The following RABGAP1L variants were observed in gnomAD, a reference collection of about 807,000 sequenced individuals.
RABGAP1L encodes RAB GTPase activating protein 1 like.
RABGAP1L carries 63 observed loss-of-function variants against 137.7 expected under a neutral mutation model. The observed-to-expected ratio is 0.46, with a 90% CI of 0.37 to 0.56. The LOEUF is 0.56. Ranked by LOEUF, RABGAP1L falls within the 20% of genes least tolerant of loss-of-function variation. RABGAP1L has a pLI of 0.00. For synonymous variants in RABGAP1L, 431 were observed against 433.7 expected (o/e 0.99, Z 0.08); for missense variants, 1,095 against 1,244.0 (o/e 0.88, Z 1.80).
At chr1:174,342,240 C>T (rs1682036737) in intron 11 of RABGAP1L, among the ~76,000 whole-genome samples, 2 of 151,990 alleles carry the variant, frequency 1.3e-5, no homozygotes, top group Non-Finnish European at 2.9e-5. Flanking sequence ...GGGGATTGGT[C>T]AGAAACAGGA....
intron 13 of RABGAP1L, among the ~76,000 whole-genome samples, chr1:174,528,748 A>G (rs568044668): frequency 6.6e-6 from 1 of 152,010 alleles, no homozygotes; most frequent in East Asian, 1.9e-4. Flanking sequence ...CTGGATTTCT[A>G]AATATCTTGC....
chr1:174,275,841 G>A lies in RABGAP1L; in HGVS notation c.1062G>A (p.Met354Ile). The change falls in exon 9 of 26, where the codon ATG (methionine) becomes ATA (isoleucine). Residue 354 changes from methionine to isoleucine, a missense_variant. This residue lies in a region of RABGAP1L where 112 missense variants were observed against 157.3 expected (regional missense o/e 0.71). Coordinates refer to ENST00000681986, the MANE Select transcript of RABGAP1L (RefSeq NM_001366446.1). Reference sequence around the variant, plus strand: ...TGTTTGAATTTTTATAGGAATCCATGGGAAAGAGCTATGATGGGAGAGCTT... The same window carrying A: ...TGTTTGAATTTTTATAGGAATCCATAGGAAAGAGCTATGATGGGAGAGCTT... The part of the protein sequence containing the change: ...SDMHLLDMES[M>I]GKSYDGRAYV... 1 of 1,608,386 alleles carries A rather than the reference G, an allele frequency of 6.2e-7. No individual in the cohort carries two copies.
intron 13 of RABGAP1L, among the ~76,000 whole-genome samples, chr1:174,581,270 A>C (rs1191235401): frequency 1.3e-5 from 2 of 152,208 alleles, no homozygotes; most frequent in Non-Finnish European, 2.9e-5. Flanking sequence ...GAAACAACCA[A>C]AATGTTCATA....
Position 174,567,464 on chromosome 1 carries a change from G to C in RABGAP1L, c.1711-69911G>C, listed in dbSNP as rs559842345. Among the ~76,000 whole-genome samples the C allele has an allele frequency of 1.6e-3, 247 of 152,160 alleles. 1 individual carries two copies. The highest frequency in any genetic ancestry group is 3.8e-3 in the Admixed American group (58 of 15,278). ...TTATAAAATGGTTTCATAATAAAAG[G>C]CTGTGATTTAATATCTAAATAAAGG... On this transcript the variant is annotated intron_variant, in intron 13 of 25. Transcript: ENST00000681986.
At chr1:174,337,314 G>A (rs1681572820) in intron 11 of RABGAP1L, among the ~76,000 whole-genome samples, 1 of 152,026 alleles carries the variant, frequency 6.6e-6, no homozygotes, top group African/African-American at 2.4e-5. Flanking sequence ...GCATATTCAA[G>A]GTCAGCAGAA....
intron 13 of RABGAP1L, among the ~76,000 whole-genome samples, chr1:174,434,360 T>C (rs1489347141): frequency 6.6e-6 from 1 of 152,214 alleles, no homozygotes; most frequent in Non-Finnish European, 1.5e-5. Flanking sequence ...GGTTTGTTTA[T>C]TCATTCCCCT....
intron 24 of RABGAP1L, among the ~76,000 whole-genome samples, chr1:174,984,129 A>G (rs1334371663): frequency 1.3e-5 from 2 of 150,034 alleles, no homozygotes; most frequent in African/African-American, 4.9e-5. Flanking sequence ...TACGTGTGCC[A>G]TGGTGGTTTG....
At chr1:174,947,715 C>T (rs1667108007) in intron 19 of RABGAP1L, among the ~76,000 whole-genome samples, 1 of 152,172 alleles carries the variant, frequency 6.6e-6, no homozygotes, top group Admixed American at 6.5e-5. Context: ...CCACCGCACC[C>T]AGCCAGCCTG....
intron 13 of RABGAP1L, among the ~76,000 whole-genome samples, chr1:174,535,313 G>A (rs1309671170): frequency 6.6e-6 from 1 of 152,032 alleles, no homozygotes; most frequent in Non-Finnish European, 1.5e-5. Flanking sequence ...AAACTCTGTA[G>A]GTCTAGACTG....
intron 1 of RABGAP1L, among the ~76,000 whole-genome samples, chr1:174,194,624 G>GC (rs2148352020): frequency 6.6e-6 from 1 of 152,264 alleles, no homozygotes; most frequent in South Asian, 2.1e-4. Flanking sequence ...GCTCTGCATT[G>GC]CCCCCAGGAA....
intron 13 of RABGAP1L, among the ~76,000 whole-genome samples, chr1:174,617,600 G>A (rs1672009594): frequency 6.6e-6 from 1 of 152,180 alleles, no homozygotes; most frequent in Non-Finnish European, 1.5e-5. Flanking sequence ...ATGGAAATGT[G>A]CTGTTATAAA....
intron 1 of RABGAP1L, among the ~76,000 whole-genome samples, chr1:174,178,542 T>C (rs1160783193): frequency 2.0e-5 from 3 of 152,202 alleles, no homozygotes; most frequent in Non-Finnish European, 2.9e-5. Context: ...CGTATGTTTA[T>C]TGCAGCACTA....
At chr1:174,906,843 G>A (rs1429684447) in intron 19 of RABGAP1L, among the ~76,000 whole-genome samples, 4 of 151,056 alleles carry the variant, frequency 2.6e-5, no homozygotes, top group African/African-American at 9.7e-5. Context: ...ATAGACTTCT[G>A]AATGGAAAAC....
At chr1:174,773,679 G>C (rs906622069) in intron 18 of RABGAP1L, among the ~76,000 whole-genome samples, 2 of 152,226 alleles carry the variant, frequency 1.3e-5, no homozygotes, top group African/African-American at 4.8e-5. Flanking sequence ...TAATGAAAAT[G>C]AACTCACTGT....
At chr1:174,682,276 C>G (rs1163310674) in intron 14 of RABGAP1L, among the ~76,000 whole-genome samples, 1 of 143,562 alleles carries the variant, frequency 7.0e-6, no homozygotes, top group Non-Finnish European at 1.5e-5. Flanking sequence ...GCAAAACTCT[C>G]TCTCTCTCTC....
At chr1:174,674,604 G>GTAAT (rs1677451220) in intron 14 of RABGAP1L, among the ~76,000 whole-genome samples, 5 of 151,126 alleles carry the variant, frequency 3.3e-5, no homozygotes, top group Admixed American at 2.6e-4. Flanking sequence ...TATATACCCA[G>GTAAT]TAATGGGATG....
chr1:174,708,596 G>A (rs1233013314), intron 17 of RABGAP1L, among the ~76,000 whole-genome samples: 1 of 152,104 alleles, frequency 6.6e-6, no homozygotes, highest in Non-Finnish European at 1.5e-5. Context: ...TGCCATGAGG[G>A]ACAGTGCTAT....
At chr1:174,498,039 A>C (rs1301207110) in intron 13 of RABGAP1L, among the ~76,000 whole-genome samples, 1 of 152,224 alleles carries the variant, frequency 6.6e-6, no homozygotes, top group Admixed American at 6.5e-5. Flanking sequence ...GCTTATTTTA[A>C]AACAAGTTTT....
At chr1:174,913,156 A>G (rs1431432827) in intron 19 of RABGAP1L, among the ~76,000 whole-genome samples, 1 of 152,004 alleles carries the variant, frequency 6.6e-6, no homozygotes, top group Non-Finnish European at 1.5e-5. Context: ...TTGTATTTTT[A>G]GTAGAGACAG....
Sources: allele counts gnomAD v4.1 joint callset (sites outside exome capture counted in the v4.1 genomes callset), GRCh38; gene constraint gnomAD v4.1.1; regional missense constraint gnomAD v4.1.1; transcripts MANE v1.5; gene names NCBI Gene and HGNC (gene_info 2026-07-23, HGNC 2026-07-21).